MON2: variants seen among roughly 807,000 people sequenced by gnomAD.
MON2 encodes MON2 regulator of endosome-to-Golgi trafficking.
A neutral mutation model predicts 208.6 loss-of-function variants in MON2; 84 were observed. That is an observed-to-expected ratio of 0.40 (90% CI 0.34 to 0.48). The LOEUF is 0.48. MON2 is among the 20% of genes least tolerant of loss of function. The probability of loss-of-function intolerance (pLI) is 0.59; values close to 1 mark genes in which losing one functional copy is unlikely to be tolerated. For synonymous variants in MON2, 660 were observed against 694.0 expected (o/e 0.95, Z 0.77); for missense variants, 1,611 against 2,015.4 (o/e 0.80, Z 3.84).
In MON2 at chr12:62,494,047, T is replaced by C; in HGVS notation, c.303+5T>C. On this transcript the variant is annotated splice_donor_5th_base_variant and intron_variant, in intron 3 of 34. Coordinates refer to ENST00000393630, the MANE Select transcript of MON2 (RefSeq NM_015026.3). ...TCACATGAAGTCGTGTCTGAGGTAA[T>C]ATGAAGATTTTATCTAAACTTCACC... 1 of 1,608,338 alleles carries C rather than the reference T, an allele frequency of 6.2e-7. No individual in the cohort carries two copies. The highest frequency in any genetic ancestry group is 8.5e-7 in the Non-Finnish European group (1 of 1,176,520).
rs370830259 is a variant in MON2 at position 62,566,044 on chromosome 12, T to G, written c.4194+13T>G. 50 of 1,609,730 alleles carry G rather than the reference T, an allele frequency of 3.1e-5. No individual in the cohort carries two copies. The African/African-American group carries it at 6.4e-4, about 21-fold the overall frequency. On this transcript the variant is annotated intron_variant, in intron 28 of 34. Transcript: ENST00000393630. Reference sequence around the variant, plus strand: ...ACTATTTGCACCGGTGAGTTAAATTTCCTAAAATTGTCCTAACCTCTTGGC... The same window carrying G: ...ACTATTTGCACCGGTGAGTTAAATTGCCTAAAATTGTCCTAACCTCTTGGC...
At chr12:62,585,065 GCACACA>G (rs57834850) in intron 32 of MON2, among the ~76,000 whole-genome samples, 8,771 of 98,652 alleles carry the variant, frequency 0.089, 504 homozygotes, top group Admixed American at 0.17. Flanking sequence ...CTCTCTACAT[GCACACA>G]CACACACACA....
rs765341040 is a variant in MON2 at position 62,549,682 on chromosome 12, G to A, written c.2768G>A (p.Arg923Gln). ...IRNDQGESLIRTAFQCLQLVV... is the reference protein window; with the variant it reads ...IRNDQGESLIQTAFQCLQLVV... ...TTTGTTTTCAGAGAATCCTTGATACGAACTGCATTCCAGTGTCTTCAGTTG... is the reference window on the plus strand; with the variant it reads ...TTTGTTTTCAGAGAATCCTTGATACAAACTGCATTCCAGTGTCTTCAGTTG... The change falls in exon 23 of 35, where the codon CGA (arginine) becomes CAA (glutamine). Residue 923 changes from arginine to glutamine, a missense_variant. Arg to Gln is a conservative substitution (Grantham distance 43). Transcript: ENST00000393630. 5.0e-6 allele frequency: 8 copies of A among 1,596,880 alleles called. No individual in the cohort carries two copies. Among genetic ancestry groups the A allele is most frequent in the South Asian group, 1.1e-5 (1 of 87,406 alleles).
intron 1 of MON2, among the ~76,000 whole-genome samples, chr12:62,481,200 C>T (rs956120327): frequency 1.3e-5 from 2 of 151,994 alleles, no homozygotes; most frequent in East Asian, 1.9e-4. Flanking sequence ...TAAATTTTAC[C>T]GTATATTGGA....
At position 62,483,391 on chromosome 12, in the gene MON2, A is replaced by G. The variant is rs141212810; in HGVS notation, c.112-779A>G. ...TGGTTATCCATTCTCAAAAAAGAAA[A>G]CAAAGTAGCTTTTAAAATCCAACAC... On this transcript the variant is annotated intron_variant, in intron 1 of 34. Coordinates refer to ENST00000393630, the MANE Select transcript of MON2 (RefSeq NM_015026.3). 4.3e-3 allele frequency among the ~76,000 whole-genome samples: 652 copies of G among 152,300 alleles called. 7 individuals carry two copies. The highest frequency in any genetic ancestry group is 0.015 in the African/African-American group (619 of 41,560).
At chr12:62,505,752 G>A (rs1468583409) in intron 7 of MON2, among the ~76,000 whole-genome samples, 1 of 151,912 alleles carries the variant, frequency 6.6e-6, no homozygotes, top group Admixed American at 6.6e-5. Flanking sequence ...AGCTGGGCCT[G>A]GTGGCACATG....
chr12:62,578,616 C>T (rs1240832416), intron 31 of MON2, 111 bp downstream of exon 31: 2 of 668,130 alleles, frequency 3.0e-6, no homozygotes, highest in African/African-American at 3.8e-5. Flanking sequence ...AAGATTAAAA[C>T]TGAAAGCATT....
At chr12:62,553,985 A>G (rs1177362591) in intron 24 of MON2, among the ~76,000 whole-genome samples, 2 of 152,184 alleles carry the variant, frequency 1.3e-5, no homozygotes, top group Non-Finnish European at 2.9e-5. Context: ...GGGGTTCAAG[A>G]CCAACCTGGC....
rs903207333 is a variant in MON2 at position 62,598,899 on chromosome 12, T to C, written c.*6150T>C. 6.6e-6 allele frequency: 1 copy of C among 152,226 alleles called. No homozygotes were observed. The highest frequency in any genetic ancestry group is 1.5e-5 in the Non-Finnish European group (1 of 68,018). 9.4% of individuals were successfully genotyped at this position (152,226 alleles called of 1,614,324 possible). ...AAGCATGATTCCAGGTTTTTAATTA[T>C]GTTCCAGCAACACTAGTGTTTCTTT... On this transcript the variant is annotated 3_prime_UTR_variant, in exon 35 of 35. Coordinates refer to ENST00000393630, the MANE Select transcript of MON2 (RefSeq NM_015026.3).
intron 30 of MON2, among the ~76,000 whole-genome samples, chr12:62,577,568 C>G (rs2074839697): frequency 6.6e-6 from 1 of 151,928 alleles, no homozygotes; most frequent in Admixed American, 6.6e-5. Flanking sequence ...AATGTAGGCT[C>G]AAATATCAGA....
At chr12:62,472,891 A>G (rs2068866575) in intron 1 of MON2, among the ~76,000 whole-genome samples, 1 of 152,244 alleles carries the variant, frequency 6.6e-6, no homozygotes, top group Non-Finnish European at 1.5e-5. Flanking sequence ...ATTGAAAGCT[A>G]TAAACTGAAA....
rs767459595 is a variant in MON2 at position 62,588,810 on chromosome 12, C to A, written c.4990+654C>A. ...CTACTCTGCACTAAACTAAAATTCT[C>A]AATCTTCCCAAATTTTTTCAACCTT... is the stretch of plus-strand genomic sequence containing the variant. On this transcript the variant is annotated intron_variant, in intron 34 of 34. Coordinates refer to ENST00000393630, the MANE Select transcript of MON2 (RefSeq NM_015026.3). 19 of 1,212,198 alleles carry A rather than the reference C, an allele frequency of 1.6e-5. No individual in the cohort carries two copies. In the South Asian group the frequency reaches 2.4e-4, roughly 15 times the overall value. The allele number at this position is 1,212,198 out of a possible 1,614,324, so 75.1% of individuals were successfully genotyped here. A position where few individuals can be genotyped will look rare whatever the true frequency, so the allele number is the denominator to read the frequency against.
In MON2 at chr12:62,508,336, A is replaced by T. The variant is rs770939562; in HGVS notation, c.840A>T (p.Ile280=). The change falls in exon 8 of 35, where the codon ATA becomes ATT. Residue 280 remains isoleucine, a synonymous_variant. Transcript: ENST00000393630. ...AAGAAAGGGTATGTCCTCTTGTGAT[A>T]AAGCTCTTTTCTCCAAATATAAAGT... ...LLKERVCPLV[I]KLFSPNIKFR... The T allele has an allele frequency of 1.9e-6, 3 of 1,614,078 alleles. No homozygotes were observed. Among genetic ancestry groups the T allele is most frequent in the Non-Finnish European group, 2.5e-6 (3 of 1,179,962 alleles).
At chr12:62,554,750 T>C (rs1194244299) in intron 24 of MON2, among the ~76,000 whole-genome samples, 1 of 152,158 alleles carries the variant, frequency 6.6e-6, no homozygotes, top group Non-Finnish European at 1.5e-5. Context: ...CCCCACTTTA[T>C]GGCCTTCCAA....
chr12:62,516,573 G>A (rs1423048730), intron 8 of MON2, among the ~76,000 whole-genome samples: 3 of 152,126 alleles, frequency 2.0e-5, no homozygotes, highest in Non-Finnish European at 2.9e-5. Context: ...GCATAGTGGT[G>A]TATGCCTGTA....
At chr12:62,520,294 T>C (rs1356180356) in intron 8 of MON2, among the ~76,000 whole-genome samples, 3 of 152,218 alleles carry the variant, frequency 2.0e-5, no homozygotes. Flanking sequence ...CATTTGTTAA[T>C]ATCACCACCA....
In MON2 at chr12:62,532,669, T is replaced by C; in HGVS notation, c.1632T>C (p.Ile544=). 6.3e-7 allele frequency: 1 copy of C among 1,599,710 alleles called. No homozygotes were observed. Among genetic ancestry groups the C allele is most frequent in the Non-Finnish European group, 8.6e-7 (1 of 1,167,028 alleles). The change falls in exon 12 of 35, where the codon ATT becomes ATC. Residue 544 remains isoleucine, a splice_region_variant and synonymous_variant. Coordinates refer to ENST00000393630, the MANE Select transcript of MON2 (RefSeq NM_015026.3). ...CATCAGACCAAATGGATAAGGAAAT[T>C]GGTATGAGTCTGTATTTTTAATTTT... is the stretch of plus-strand genomic sequence containing the variant. ...QSTSDQMDKE[I]VSRAVWEEMV...
chr12:62,592,370 C>T (rs1443933082), intron 34 of MON2, among the ~76,000 whole-genome samples: 1 of 152,122 alleles, frequency 6.6e-6, no homozygotes, highest in African/African-American at 2.4e-5. Flanking sequence ...TTTATTGTTA[C>T]TGATGACTGC....
intron 11 of MON2, among the ~76,000 whole-genome samples, chr12:62,526,433 T>G (rs1463822029): frequency 1.3e-5 from 2 of 152,282 alleles, no homozygotes; most frequent in Admixed American, 1.3e-4. Flanking sequence ...GCTGAGTTAC[T>G]GTCAGCAAAT....
Sources: allele counts gnomAD v4.1 joint callset (sites outside exome capture counted in the v4.1 genomes callset), GRCh38; gene constraint gnomAD v4.1.1; transcripts MANE v1.5; gene names NCBI Gene and HGNC (gene_info 2026-07-23, HGNC 2026-07-21).